Variants in LIPG observed in about 807,000 individuals in gnomAD.
LIPG encodes the protein endothelial lipase.
In LIPG, 34 loss-of-function variants were observed where a neutral mutation model predicts 51.8. The observed-to-expected ratio is 0.66, with a 90% CI of 0.50 to 0.87. The LOEUF (loss-of-function observed/expected upper bound fraction) is 0.87, where lower values mean the gene tolerates loss of function less well. Among genes scored for constraint, LIPG ranks in the 40% least tolerant of loss-of-function variants. The probability of loss-of-function intolerance (pLI) is 0.00; values close to 1 mark genes in which losing one functional copy is unlikely to be tolerated. For missense variants in LIPG, 580 were observed against 652.7 expected (o/e 0.89, Z 1.21); for synonymous variants, 246 against 246.1 (o/e 1.00, Z 0.00).
rs959792483 is a variant in LIPG at position 49,597,110 on chromosome 18, G to GAAAC, written c.*6601_*6604dup. 1.3e-5 allele frequency: 2 copies of GAAAC among 152,212 alleles called. No homozygotes were observed. Among genetic ancestry groups the GAAAC allele is most frequent in the Admixed American group, 6.5e-5 (1 of 15,282 alleles). 9.4% of individuals were successfully genotyped at this position (152,212 alleles called of 1,614,324 possible). On this transcript the variant is annotated 3_prime_UTR_variant, in exon 10 of 10. Transcript: ENST00000261292. The stretch of plus-strand genomic sequence containing the variant: ...TTCCTCTCCCTAGCAAGCAAACTCA[G>GAAAC]AAACAAACAAACAAACGAAAACCAA...
At chr18:49,583,956 C>G (rs540064772) in intron 8 of LIPG, among the ~76,000 whole-genome samples, 182 bp downstream of exon 8, 1 of 152,174 alleles carries the variant, frequency 6.6e-6, no homozygotes, top group East Asian at 1.9e-4. Flanking sequence ...AAAACTGTTA[C>G]GCATCTCATG....
intron 9 of LIPG, chr18:49,589,239 T>C (rs2084916098): frequency 6.6e-6 from 1 of 152,218 alleles, no homozygotes; most frequent in Admixed American, 6.5e-5. Flanking sequence ...GTCTCCTGGT[T>C]AGGAGCTCAA....
rs141408478 is a variant in LIPG at position 49,565,258 on chromosome 18, C to T, written c.98-59C>T. On this transcript the variant is annotated intron_variant, in intron 1 of 9. Coordinates refer to ENST00000261292, the MANE Select transcript of LIPG (RefSeq NM_006033.4). ...CTCACGATTGAACTAGAATCAGACC[C>T]CAGGTCTCTCACTCCGCAAGTCTGC... is the stretch of plus-strand genomic sequence containing the variant. 498 of 1,558,004 alleles carry T rather than the reference C, an allele frequency of 3.2e-4. 4 individuals are homozygous for T. The East Asian group carries it at 7.3e-3, about 23-fold the overall frequency.
upstream of LIPG, chr18:49,561,681 A>G: frequency 8.0e-7 from 1 of 1,242,352 alleles, no homozygotes; most frequent in Non-Finnish European, 1.0e-6. Flanking sequence ...TGAGCCTTGG[A>G]GAGGATGCTC....
chr18:49,562,321 G>C lies in LIPG; in HGVS notation c.13G>C (p.Val5Leu). Residue 5 changes from valine to leucine, a missense_variant, in exon 1 of 10, where the codon GTT becomes CTT. Transcript: ENST00000261292. MSNS[V>L]PLLCFWSLCY... is the part of the protein sequence containing the mutation. Reference sequence around the variant, plus strand: ...GTGGCGGGGCAGGATGAGCAACTCCGTTCCTCTGCTCTGTTTCTGGAGCCT... The same window carrying C: ...GTGGCGGGGCAGGATGAGCAACTCCCTTCCTCTGCTCTGTTTCTGGAGCCT... 6.2e-7 allele frequency: 1 copy of C among 1,612,416 alleles called. No homozygotes were observed. Among genetic ancestry groups the C allele is most frequent in the Non-Finnish European group, 8.5e-7 (1 of 1,180,002 alleles).
At chr18:49,577,037 A>G (rs1335917876) in intron 5 of LIPG, among the ~76,000 whole-genome samples, 1 of 144,100 alleles carries the variant, frequency 6.9e-6, no homozygotes, top group African/African-American at 2.6e-5. Flanking sequence ...TTTTTTTTTT[A>G]TTGATAATTC....
intron 2 of LIPG, among the ~76,000 whole-genome samples, chr18:49,566,794 G>A (rs1445895659): frequency 6.6e-6 from 1 of 152,122 alleles, no homozygotes; most frequent in Admixed American, 6.5e-5. Context: ...GATGGACCAG[G>A]CCACTTGCCT....
At chr18:49,577,257 AG>A (rs1258296221) in intron 5 of LIPG, among the ~76,000 whole-genome samples, 137 of 138,180 alleles carry the variant, frequency 9.9e-4, no homozygotes, top group East Asian at 9.5e-3. Context: ...TGTTTAACAA[AG>A]CACATCTTGC....
intron 5 of LIPG, 92 bp downstream of exon 5, chr18:49,575,682 A>T (rs1263913286): frequency 9.9e-7 from 1 of 1,008,544 alleles, no homozygotes; most frequent in East Asian, 2.6e-5. Flanking sequence ...GGCACTATTT[A>T]TTCATTATTC....
chr18:49,573,715 A>C (rs1350980739), intron 4 of LIPG, among the ~76,000 whole-genome samples: 1 of 152,164 alleles, frequency 6.6e-6, no homozygotes, highest in Non-Finnish European at 1.5e-5. Flanking sequence ...CCTCTTGTTT[A>C]TCCTGAAACT....
At chr18:49,562,006 T>C (rs1478828342), upstream of LIPG, 2 of 1,403,722 alleles carry the variant, frequency 1.4e-6, no homozygotes, top group African/African-American at 1.4e-5. Context: ...CATCTGGCGA[T>C]GGGTCAGATG....
chr18:49,591,267 A>G lies in LIPG; in HGVS notation c.*745A>G, dbSNP rs144548133. 6.6e-6 allele frequency: 1 copy of G among 152,554 alleles called. No individual in the cohort carries two copies. The highest frequency in any genetic ancestry group is 1.9e-4 in the East Asian group (1 of 5,150). The allele number at this position is 152,554 out of a possible 1,614,324, so 9.5% of individuals were successfully genotyped here. On this transcript the variant is annotated 3_prime_UTR_variant, in exon 10 of 10. Coordinates refer to ENST00000261292, the MANE Select transcript of LIPG (RefSeq NM_006033.4). ...GTTTGGATGGTGTATGTGTATATGC[A>G]TGGGGAAAGGCACCTGGGGCCTGGG...
At chr18:49,572,393 C>T (rs1326235646) in intron 4 of LIPG, among the ~76,000 whole-genome samples, 1 of 152,072 alleles carries the variant, frequency 6.6e-6, no homozygotes, top group African/African-American at 2.4e-5. Flanking sequence ...TCTATGCTAT[C>T]TCTGAACCAC....
chr18:49,583,428 G>A, intron 7 of LIPG, 128 bp from the exon 8 acceptor site: 1 of 767,094 alleles, frequency 1.3e-6, no homozygotes, highest in Non-Finnish European at 2.3e-6. Context: ...AGGGATAGAG[G>A]TGGGGAAAGC....
intron 1 of LIPG, among the ~76,000 whole-genome samples, chr18:49,563,881 G>T (rs772823967): frequency 6.6e-6 from 1 of 152,084 alleles, no homozygotes; most frequent in Non-Finnish European, 1.5e-5. Flanking sequence ...GGGTTTATCC[G>T]CAGATCTGTC....
chr18:49,563,614 AGGAAGGTGGGGCATGTTGGTGGG>A (rs2084573629), intron 1 of LIPG, among the ~76,000 whole-genome samples: 1 of 151,166 alleles, frequency 6.6e-6, no homozygotes, highest in South Asian at 2.1e-4. Flanking sequence ...CAAGCAGAGG[AGGAAGGTGGGGCATGTTGGTGGG>A]GGAAGGTGGT....
chr18:49,567,822 AT>A (rs2084623301), intron 3 of LIPG: 1 of 571,954 alleles, frequency 1.7e-6, no homozygotes, highest in African/African-American at 1.9e-5. Context: ...TTATTGATAG[AT>A]CTCTGGATTT....
Position 49,598,078 on chromosome 18 carries a change from C to A in LIPG, c.*7556C>A, listed in dbSNP as rs1171626326. 6.6e-6 allele frequency: 1 copy of A among 152,182 alleles called. No homozygotes were observed. Among genetic ancestry groups the A allele is most frequent in the East Asian group, 1.9e-4 (1 of 5,206 alleles). The allele number at this position is 152,182 out of a possible 1,614,324, so 9.4% of individuals were successfully genotyped here. On this transcript the variant is annotated 3_prime_UTR_variant, in exon 10 of 10. Coordinates refer to ENST00000261292, the MANE Select transcript of LIPG (RefSeq NM_006033.4). ...GAGCTTCTTCCTTCTGCTTAGGCTG[C>A]CCCAAATTCCATATAGGATTCTTTT... is the stretch of plus-strand genomic sequence containing the variant.
At chr18:49,572,814 TTACATGTG>T (rs1323414240) in intron 4 of LIPG, among the ~76,000 whole-genome samples, 2 of 152,092 alleles carry the variant, frequency 1.3e-5, no homozygotes, top group African/African-American at 4.8e-5. Context: ...CCTGGAAGTT[TTACATGTG>T]TGCATGTGTG....
Sources: gnomAD v4.1 joint callset for allele counts (sites outside exome capture counted in the v4.1 genomes callset) on GRCh38, gnomAD v4.1.1 for gene constraint, MANE v1.5 for transcripts, NCBI Gene and HGNC (gene_info 2026-07-23, HGNC 2026-07-21) for gene names.